Variants in NEGR1 observed in about 807,000 individuals in gnomAD.
The protein encoded by NEGR1 is IgLON family member 4.
In NEGR1, 10 loss-of-function variants were observed where a neutral mutation model predicts 40.9. The ratio of observed to expected loss-of-function variants is 0.24; its 90% CI spans 0.15 to 0.42. NEGR1 has a LOEUF of 0.42. Among genes scored for constraint, NEGR1 ranks in the 10% least tolerant of loss-of-function variants. The pLI is 1.00. For synonymous variants in NEGR1, 185 were observed against 166.8 expected, an observed-to-expected ratio of 1.11 and a Z score of -0.84; for missense variants, 352 against 438.9, an observed-to-expected ratio of 0.80 and a Z score of 1.77.
At chr1:71,994,823 A>G (rs1271118730) in intron 1 of NEGR1, among the ~76,000 whole-genome samples, 1 of 152,034 alleles carries the variant, frequency 6.6e-6, no homozygotes, top group Non-Finnish European at 1.5e-5. Flanking sequence ...GCAGTCTAGG[A>G]GTTCCCCAGA....
chr1:71,950,640 A>C (rs1000567600), intron 1 of NEGR1, among the ~76,000 whole-genome samples: 1 of 151,962 alleles, frequency 6.6e-6, no homozygotes. Flanking sequence ...TTCACAGTGC[A>C]TTATTTTCAA....
chr1:72,029,071 A>G (rs1237174147), intron 1 of NEGR1, among the ~76,000 whole-genome samples: 1 of 152,234 alleles, frequency 6.6e-6, no homozygotes, highest in African/African-American at 2.4e-5. Context: ...AGATCAACCA[A>G]TTATTTAGAT....
At chr1:72,130,111 GTGGACAGATAGCCCAATGTA>G (rs1475873824) in intron 1 of NEGR1, among the ~76,000 whole-genome samples, 10 of 152,052 alleles carry the variant, frequency 6.6e-5, no homozygotes, top group African/African-American at 2.2e-4. Context: ...CCTTACTATG[GTGGACAGATAGCCCAATGTA>G]TGGTCCTCCA....
Position 71,403,550 on chromosome 1 carries a change from A to C in NEGR1, c.*3896T>G. ...CCTTTTAGGAATCAGCAACAGCAAGAAAGAATATAGTGTGGAGTCATTTGA... is the reference window on the plus strand; with the variant it reads ...CCTTTTAGGAATCAGCAACAGCAAGCAAGAATATAGTGTGGAGTCATTTGA... On this transcript the variant is annotated 3_prime_UTR_variant, in exon 7 of 7. Transcript: ENST00000357731. 4.8e-6 allele frequency: 1 copy of C among 210,116 alleles called. No homozygotes were observed. The allele number at this position is 210,116 out of a possible 1,614,324, so 13.0% of individuals were successfully genotyped here.
intron 1 of NEGR1, among the ~76,000 whole-genome samples, chr1:72,234,235 A>G (rs1305038369): frequency 1.3e-5 from 2 of 152,014 alleles, no homozygotes; most frequent in Non-Finnish European, 2.9e-5. Flanking sequence ...AACATGGGGT[A>G]TTTGGTTTTC....
At chr1:72,185,660 A>G (rs752888162) in intron 1 of NEGR1, among the ~76,000 whole-genome samples, 5 of 151,916 alleles carry the variant, frequency 3.3e-5, no homozygotes. Context: ...GAGCGACTAG[A>G]TGAAAAACAT....
At position 71,650,570 on chromosome 1, in the gene NEGR1, G is replaced by T. The variant is rs544150994; in HGVS notation, c.668-39424C>A. On this transcript the variant is annotated intron_variant, in intron 4 of 6. Coordinates refer to ENST00000357731, the MANE Select transcript of NEGR1 (RefSeq NM_173808.3). Reference sequence around the variant, plus strand: ...GCTGTGTTTTTATTGCTGTTCTCAAGAAAAGGCTGTGCAAGTTTTCTCCCT... The same window carrying T: ...GCTGTGTTTTTATTGCTGTTCTCAATAAAAGGCTGTGCAAGTTTTCTCCCT... Among the ~76,000 whole-genome samples the T allele has an allele frequency of 1.3e-4, 20 of 152,262 alleles. No homozygotes were observed. The South Asian group carries it at 2.3e-3, about 17-fold the overall frequency.
At chr1:72,160,969 A>C (rs1651534085) in intron 1 of NEGR1, among the ~76,000 whole-genome samples, 1 of 152,206 alleles carries the variant, frequency 6.6e-6, no homozygotes, top group Admixed American at 6.5e-5. Flanking sequence ...GGCTGATTGA[A>C]TTCTGTGAAA....
chr1:71,898,981 C>CATATATATATATATATAGCAT (rs1661063584), intron 2 of NEGR1, among the ~76,000 whole-genome samples: 2 of 51,302 alleles, frequency 3.9e-5, no homozygotes, highest in Admixed American at 4.4e-4. Context: ...ATATATATAG[C>CATATATATATATATATAGCAT]ATATATATAT....
chr1:72,049,274 A>C (rs1202342871), intron 1 of NEGR1, among the ~76,000 whole-genome samples: 1 of 151,564 alleles, frequency 6.6e-6, no homozygotes, highest in Non-Finnish European at 1.5e-5. Context: ...CTAGGAGTCC[A>C]AGCTTTCAGT....
At chr1:71,691,983 G>A (rs1361352781) in intron 4 of NEGR1, among the ~76,000 whole-genome samples, 2 of 151,444 alleles carry the variant, frequency 1.3e-5, no homozygotes, top group Non-Finnish European at 3.0e-5. Flanking sequence ...TGAGTTTGGT[G>A]TATATCTTAT....
chr1:71,850,827 G>A (rs1439023151), intron 2 of NEGR1, among the ~76,000 whole-genome samples: 1 of 151,980 alleles, frequency 6.6e-6, no homozygotes, highest in Non-Finnish European at 1.5e-5. Flanking sequence ...TCTAACACTG[G>A]TTTTTGGAAA....
intron 1 of NEGR1, among the ~76,000 whole-genome samples, chr1:72,230,116 C>T (rs1227250275): frequency 6.6e-6 from 1 of 152,076 alleles, no homozygotes; most frequent in Admixed American, 6.6e-5. Flanking sequence ...CAATGTAATT[C>T]TAGCAAGCAA....
chr1:72,023,506 A>G (rs1646779202), intron 1 of NEGR1, among the ~76,000 whole-genome samples: 1 of 151,846 alleles, frequency 6.6e-6, no homozygotes, highest in South Asian at 2.1e-4. Flanking sequence ...AAGCCCAACC[A>G]GCCTGTTTTT....
chr1:71,497,623 T>C (rs977818852), intron 6 of NEGR1, among the ~76,000 whole-genome samples: 2 of 152,144 alleles, frequency 1.3e-5, no homozygotes, highest in African/African-American at 4.8e-5. Flanking sequence ...TTTCAGCATA[T>C]AATCTATAGT....
chr1:71,508,835 T>C (rs1647053270), intron 6 of NEGR1, among the ~76,000 whole-genome samples: 1 of 152,194 alleles, frequency 6.6e-6, no homozygotes, highest in Admixed American at 6.5e-5. Context: ...AATGCAGTCC[T>C]ATACTTATCA....
intron 4 of NEGR1, among the ~76,000 whole-genome samples, chr1:71,620,745 G>T (rs1650583614): frequency 6.6e-6 from 1 of 151,828 alleles, no homozygotes; most frequent in Admixed American, 6.6e-5. Flanking sequence ...ATTCACAGGG[G>T]ATGAAAATAA....
chr1:72,069,472 T>A (rs531733071), intron 1 of NEGR1, among the ~76,000 whole-genome samples: 6 of 152,142 alleles, frequency 3.9e-5, no homozygotes, highest in Admixed American at 2.0e-4. Flanking sequence ...TATTTACTTA[T>A]TATAAGTATG....
chr1:72,274,718 AAGTAATTGG>A, intron 1 of NEGR1: 1 of 1,027,204 alleles, frequency 9.7e-7, no homozygotes, highest in Non-Finnish European at 1.6e-6. Flanking sequence ...CAGAATGGAA[AAGTAATTGG>A]AGTAAAATCG....
Sources: allele counts gnomAD v4.1 joint callset (sites outside exome capture counted in the v4.1 genomes callset), GRCh38; gene constraint gnomAD v4.1.1; transcripts MANE v1.5; gene names NCBI Gene and HGNC (gene_info 2026-07-23, HGNC 2026-07-21).